Variants in PKHD1 observed in about 807,000 individuals in gnomAD.
The protein encoded by PKHD1 is fibrocystin.
PKHD1 carries 291 observed loss-of-function variants against 412.0 expected under a neutral mutation model. The ratio of observed to expected loss-of-function variants is 0.71; its 90% confidence interval spans 0.64 to 0.78. The LOEUF is 0.78. Ranked by LOEUF, PKHD1 falls within the 30% of genes least tolerant of loss-of-function variation. PKHD1 has a pLI of 0.00. For synonymous variants in PKHD1, 1,777 were observed against 1,821.5 expected (o/e 0.98, Z 0.62); for missense variants, 4,825 against 4,950.7 (o/e 0.97, Z 0.76).
intron 53 of PKHD1, among the ~76,000 whole-genome samples, chr6:51,786,723 C>CA (rs760392127): frequency 7.9e-5 from 12 of 152,138 alleles, no homozygotes; most frequent in Non-Finnish European, 1.5e-4. Context: ...ACTCATTTGT[C>CA]ACACTATTTT....
At chr6:51,795,334 T>C (rs1378719698) in intron 52 of PKHD1, among the ~76,000 whole-genome samples, 4 of 152,196 alleles carry the variant, frequency 2.6e-5, no homozygotes, top group Non-Finnish European at 5.9e-5. Flanking sequence ...GGCTTGTCTA[T>C]TGTTAGTGTA....
At chr6:51,640,422 A>T (rs1478911892) in intron 63 of PKHD1, among the ~76,000 whole-genome samples, 2 of 152,258 alleles carry the variant, frequency 1.3e-5, no homozygotes, top group Admixed American at 6.5e-5. Context: ...TTTGAAGCAT[A>T]TGTGCTCAAA....
At chr6:52,017,034 A>T (rs1269069274) in intron 34 of PKHD1, among the ~76,000 whole-genome samples, 3 of 152,166 alleles carry the variant, frequency 2.0e-5, no homozygotes, top group Non-Finnish European at 4.4e-5. Context: ...ATACTTGTGA[A>T]TCTGTTTGGA....
chr6:51,822,080 T>C (rs1486184997), intron 52 of PKHD1, among the ~76,000 whole-genome samples: 1 of 152,222 alleles, frequency 6.6e-6, no homozygotes, highest in Non-Finnish European at 1.5e-5. Flanking sequence ...ACTGAGCCTA[T>C]TACCTGAGCC....
chr6:51,923,211 A>T (rs983426087), intron 37 of PKHD1, among the ~76,000 whole-genome samples: 1 of 152,248 alleles, frequency 6.6e-6, no homozygotes, highest in African/African-American at 2.4e-5. Context: ...ATTTGAAAAA[A>T]AATAGATAAC....
chr6:52,011,011 A>T (rs1247974483), intron 34 of PKHD1, among the ~76,000 whole-genome samples: 1 of 152,166 alleles, frequency 6.6e-6, no homozygotes, highest in African/African-American at 2.4e-5. Context: ...AGCTGATGGC[A>T]ATGAGGCTCT....
In PKHD1 at chr6:51,942,212, G is replaced by A. The variant is rs1047383871; in HGVS notation, c.5909-7890C>T. On this transcript the variant is annotated intron_variant, in intron 36 of 66. Coordinates refer to ENST00000371117, the MANE Select transcript of PKHD1 (RefSeq NM_138694.4). ...GACTGCCCCAACCTTAGCTCTCCCT[G>A]ACTCATCCCAACCCTTTTCATTACC... Among the ~76,000 whole-genome samples the A allele has an allele frequency of 1.7e-4, 25 of 151,400 alleles. 3 individuals carry two copies. The highest frequency in any genetic ancestry group is 3.1e-4 in the Non-Finnish European group (21 of 67,712).
At chr6:51,812,145 G>A (rs776937396) in intron 52 of PKHD1, among the ~76,000 whole-genome samples, 1 of 152,102 alleles carries the variant, frequency 6.6e-6, no homozygotes, top group Non-Finnish European at 1.5e-5. Flanking sequence ...GTGGGACCCA[G>A]GGAATATTAC....
intron 48 of PKHD1, among the ~76,000 whole-genome samples, chr6:51,856,799 G>T (rs548207425): frequency 6.6e-6 from 1 of 152,312 alleles, no homozygotes; most frequent in South Asian, 2.1e-4. Flanking sequence ...AGATCCCTAA[G>T]TTAGAGGTGT....
chr6:51,770,213 C>T (rs11756683), intron 55 of PKHD1, among the ~76,000 whole-genome samples: 27,949 of 151,476 alleles, frequency 0.18, 3,381 homozygotes, highest in African/African-American at 0.34. Flanking sequence ...CCTTACATTT[C>T]CTAGAGATTT....
chr6:51,870,464 G>A (rs1300039033), intron 47 of PKHD1, 40 bp downstream of exon 47: 16 of 1,526,636 alleles, frequency 1.0e-5, no homozygotes, highest in Non-Finnish European at 1.5e-5. Flanking sequence ...CTTGAATATG[G>A]GCCTTATTTA....
intron 36 of PKHD1, among the ~76,000 whole-genome samples, chr6:51,939,300 C>G (rs1411237470): frequency 6.6e-6 from 1 of 151,206 alleles, no homozygotes; most frequent in East Asian, 1.9e-4. Context: ...CCCTTCTCTC[C>G]GTGTCTCTAC....
intron 35 of PKHD1, among the ~76,000 whole-genome samples, chr6:51,977,153 G>T (rs1448129141): frequency 2.0e-5 from 3 of 152,136 alleles, no homozygotes; most frequent in African/African-American, 7.2e-5. Flanking sequence ...GAACACTGAA[G>T]CCCAGAGAGG....
intron 48 of PKHD1, among the ~76,000 whole-genome samples, chr6:51,860,013 T>C (rs1329799996): frequency 6.6e-6 from 1 of 152,228 alleles, no homozygotes; most frequent in Non-Finnish European, 1.5e-5. Flanking sequence ...GCACTGCTCA[T>C]TCTCTCAGAG....
intron 55 of PKHD1, among the ~76,000 whole-genome samples, chr6:51,765,071 T>C: frequency 6.6e-6 from 1 of 152,050 alleles, no homozygotes; most frequent in South Asian, 2.1e-4. Flanking sequence ...CCTGCTGCCT[T>C]CCACCCTGAC....
chr6:51,688,918 G>A (rs1169314594), intron 60 of PKHD1, among the ~76,000 whole-genome samples: 2 of 152,110 alleles, frequency 1.3e-5, no homozygotes, highest in Non-Finnish European at 2.9e-5. Flanking sequence ...TCTACCAGAT[G>A]TACAAAGAAA....
intron 60 of PKHD1, among the ~76,000 whole-genome samples, chr6:51,698,457 G>A (rs1032124421): frequency 3.9e-5 from 6 of 152,150 alleles, no homozygotes; most frequent in Non-Finnish European, 5.9e-5. Flanking sequence ...TGAAACACTG[G>A]TCTAATGCTT....
In PKHD1 at chr6:51,640,397, T is replaced by TATG. The variant is rs550744973; in HGVS notation, c.11399-1444_11399-1442dup. ...CTCTACAAAGATTCCCATATATATC[T>TATG]ATGATATTCTCAGATTTGAAGCATA... On this transcript the variant is annotated intron_variant, in intron 63 of 66. Transcript: ENST00000371117. Among the ~76,000 whole-genome samples the TATG allele has an allele frequency of 1.1e-4, 16 of 152,306 alleles. No individual in the cohort carries two copies. In the East Asian group the frequency reaches 3.1e-3, roughly 29 times the overall value.
At chr6:51,966,594 G>C (rs756681585) in intron 35 of PKHD1, among the ~76,000 whole-genome samples, 1 of 151,948 alleles carries the variant, frequency 6.6e-6, no homozygotes, top group Non-Finnish European at 1.5e-5. Flanking sequence ...CAACACTTAC[G>C]GGGTGCACTT....
Sources: gnomAD v4.1 joint callset for allele counts (sites outside exome capture counted in the v4.1 genomes callset) on GRCh38, gnomAD v4.1.1 for gene constraint, MANE v1.5 for transcripts, NCBI Gene and HGNC (gene_info 2026-07-23, HGNC 2026-07-21) for gene names.